The following PSMD4 variants were observed in gnomAD, a reference collection of about 807,000 sequenced individuals.
The protein encoded by PSMD4 is proteasome 26S subunit ubiquitin receptor, non-ATPase 4.
Under a neutral mutation model 39.7 loss-of-function variants are expected in PSMD4, and 5 were observed. The observed-to-expected ratio is 0.13, with a 90% CI of 0.07 to 0.26. The LOEUF is 0.26. Among genes scored for constraint, PSMD4 ranks in the 10% least tolerant of loss-of-function variants. The probability of loss-of-function intolerance (pLI) is 1.00; values close to 1 mark genes in which losing one functional copy is unlikely to be tolerated. For synonymous variants in PSMD4, 143 were observed against 174.6 expected (o/e 0.82, Z 1.43); for missense variants, 272 against 486.1 (o/e 0.56, Z 4.14).
At chr1:151,255,644 T>A (rs1399652956) in intron 1 of PSMD4, among the ~76,000 whole-genome samples, 1 of 152,138 alleles carries the variant, frequency 6.6e-6, no homozygotes, top group Non-Finnish European at 1.5e-5. Context: ...CCTATGAGAT[T>A]TCTTCTTTTT....
At position 151,266,533 on chromosome 1, in the gene PSMD4, G is replaced by A. The variant is rs750811233; in HGVS notation, c.909G>A (p.Ala303=). 1.7e-5 allele frequency: 27 copies of A among 1,614,170 alleles called. No homozygotes were observed. The highest frequency in any genetic ancestry group is 2.3e-5 in the Non-Finnish European group (27 of 1,180,036). ...MSLQGAEFGQ[A]ESADIDASSA... ...TCTCTTCCTCAGAGTTTGGCCAGGC[G>A]GAATCAGCAGACATTGATGCCAGCT... Residue 303 remains alanine, a synonymous_variant, in exon 9 of 10, where the codon GCG becomes GCA. Coordinates refer to ENST00000368884, the MANE Select transcript of PSMD4 (RefSeq NM_002810.4).
At chr1:151,257,671 C>T (rs1383458028) in intron 1 of PSMD4, among the ~76,000 whole-genome samples, 2 of 145,034 alleles carry the variant, frequency 1.4e-5, no homozygotes, top group African/African-American at 5.2e-5. Context: ...CCTCAGCCTT[C>T]TGAGTAGCTG....
At chr1:151,265,067 T>A (rs1356960005) in intron 4 of PSMD4, 99 bp from the exon 5 acceptor site, 3 of 1,306,674 alleles carry the variant, frequency 2.3e-6, no homozygotes, top group Non-Finnish European at 3.2e-6. Flanking sequence ...TGGAGGACCT[T>A]GGGGAGGTCA....
Position 151,262,142 on chromosome 1 carries a change from T to G in PSMD4, c.27-19T>G. ...CTTCTACATTTCTTCTCTCTTGTCCTTCAACCCTAATCTGACAGTGTGGAC... is the reference window on the plus strand; with the variant it reads ...CTTCTACATTTCTTCTCTCTTGTCCGTCAACCCTAATCTGACAGTGTGGAC... On this transcript the variant is annotated intron_variant, in intron 1 of 9. Coordinates refer to ENST00000368884, the MANE Select transcript of PSMD4 (RefSeq NM_002810.4). 6.2e-7 allele frequency: 1 copy of G among 1,613,948 alleles called. No homozygotes were observed. Among genetic ancestry groups the G allele is most frequent in the Non-Finnish European group, 8.5e-7 (1 of 1,179,960 alleles).
At chr1:151,255,056 C>A (rs959335036) in intron 1 of PSMD4, among the ~76,000 whole-genome samples, 2 of 152,238 alleles carry the variant, frequency 1.3e-5, no homozygotes, top group East Asian at 1.9e-4. Flanking sequence ...TTTCTCTGTT[C>A]TAGCGCCGTC....
intron 1 of PSMD4, among the ~76,000 whole-genome samples, chr1:151,259,742 A>T (rs1693272497): frequency 6.6e-6 from 1 of 152,010 alleles, no homozygotes; most frequent in Admixed American, 6.6e-5. Flanking sequence ...AAAAATAAAT[A>T]AAAAATGTGG....
Position 151,264,027 on chromosome 1 carries a change from ATG to A in PSMD4, c.282+2_282+3del. 1 of 1,583,100 alleles carries A rather than the reference ATG, an allele frequency of 6.3e-7. No individual in the cohort carries two copies. Among genetic ancestry groups the A allele is most frequent in the Non-Finnish European group, 8.6e-7 (1 of 1,161,848 alleles). ...TTCTGCACGGGCATCCGCGTGGCCC[ATG>A]TGAGTCCTACTGGGTTCCCTGGACC... On this transcript the variant is annotated splice_donor_variant and coding_sequence_variant, in exon 3 of 10. Transcript: ENST00000368884. LOFTEE classifies it high-confidence loss of function.
At chr1:151,264,536 G>A (rs925683822) in intron 3 of PSMD4, among the ~76,000 whole-genome samples, 1 of 151,740 alleles carries the variant, frequency 6.6e-6, no homozygotes, top group African/African-American at 2.4e-5. Context: ...GCTGGAACCC[G>A]GGAGGTGGAG....
Position 151,265,376 on chromosome 1 carries a change from G to C in PSMD4, c.439-18G>C. ...AGCAAGGCCTGAAGAAGGGCATCATGTGTTCTTTCCTCCCCAGGAGGTGAA... is the reference window on the plus strand; with the variant it reads ...AGCAAGGCCTGAAGAAGGGCATCATCTGTTCTTTCCTCCCCAGGAGGTGAA... On this transcript the variant is annotated intron_variant, in intron 5 of 9. Coordinates refer to ENST00000368884, the MANE Select transcript of PSMD4 (RefSeq NM_002810.4). 1 of 1,612,920 alleles carries C rather than the reference G, an allele frequency of 6.2e-7. No homozygotes were observed. The highest frequency in any genetic ancestry group is 1.7e-5 in the Admixed American group (1 of 60,020).
At chr1:151,263,691 C>T (rs1347740653) in intron 2 of PSMD4, 5 of 298,408 alleles carry the variant, frequency 1.7e-5, no homozygotes, top group African/African-American at 8.8e-5. Context: ...ATTAGCCAGG[C>T]GTGGTAGTGG....
intron 1 of PSMD4, among the ~76,000 whole-genome samples, chr1:151,257,695 C>T (rs1454864236): frequency 1.3e-5 from 2 of 150,314 alleles, no homozygotes; most frequent in African/African-American, 4.9e-5. Context: ...TTCCAGGCAC[C>T]CGCCACCATA....
At chr1:151,261,401 C>T (rs996754951) in intron 1 of PSMD4, among the ~76,000 whole-genome samples, 13 of 151,916 alleles carry the variant, frequency 8.6e-5, no homozygotes, top group Admixed American at 8.5e-4. Flanking sequence ...TCTTGAACTC[C>T]TGACCTCAGG....
intron 1 of PSMD4, among the ~76,000 whole-genome samples, chr1:151,255,583 G>A (rs1391228474): frequency 3.9e-5 from 6 of 152,016 alleles, no homozygotes; most frequent in African/African-American, 1.5e-4. Flanking sequence ...ATCACTGAAT[G>A]TAATACAGAA....
Position 151,254,756 on chromosome 1 carries a change from C to T in PSMD4, c.-27C>T, listed in dbSNP as rs901780713. The T allele has an allele frequency of 1.0e-5, 16 of 1,555,840 alleles. No homozygotes were observed. The highest frequency in any genetic ancestry group is 1.4e-5 in the Non-Finnish European group (16 of 1,151,044). On this transcript the variant is annotated 5_prime_UTR_variant, in exon 1 of 10. Transcript: ENST00000368884. ...GTTGTTGTTAGGCCGTCCCGGAGAC[C>T]CGGTCGGGAGGGAGGAAGGTGGCAA...
chr1:151,258,409 T>C (rs1323106563), intron 1 of PSMD4, among the ~76,000 whole-genome samples: 2 of 151,300 alleles, frequency 1.3e-5, no homozygotes, highest in East Asian at 3.9e-4. Context: ...GCTGTTGATG[T>C]GACTGCCTTG....
chr1:151,257,794 G>A (rs1693213222), intron 1 of PSMD4, among the ~76,000 whole-genome samples: 1 of 142,194 alleles, frequency 7.0e-6, no homozygotes, highest in Non-Finnish European at 1.5e-5. Flanking sequence ...TGAACTCCTG[G>A]CCTCAAGTGA....
intron 4 of PSMD4, 52 bp from the exon 5 acceptor site, chr1:151,265,113 TC>T (rs3216063): frequency 0.69 from 1,022,020 of 1,486,048 alleles, 354,132 homozygotes; most frequent in Non-Finnish European, 0.71. Context: ...GCGGGTCCTT[TC>T]CCCCCCTCGA....
chr1:151,265,841 T>G (rs1693437124), intron 6 of PSMD4, among the ~76,000 whole-genome samples, 163 bp from the exon 7 acceptor site: 1 of 152,230 alleles, frequency 6.6e-6, no homozygotes, highest in African/African-American at 2.4e-5. Flanking sequence ...TCCCAAGTCC[T>G]TACTTTTTAA....
intron 1 of PSMD4, among the ~76,000 whole-genome samples, chr1:151,258,600 A>G (rs768925602): frequency 6.6e-6 from 1 of 151,612 alleles, no homozygotes; most frequent in Non-Finnish European, 1.5e-5. Flanking sequence ...AGCTGGGACT[A>G]CAGGCACTTA....
Sources: gnomAD v4.1 joint callset for allele counts (sites outside exome capture counted in the v4.1 genomes callset) on GRCh38, gnomAD v4.1.1 for gene constraint, MANE v1.5 for transcripts, NCBI Gene and HGNC (gene_info 2026-07-23, HGNC 2026-07-21) for gene names.